CYSLTR2: variants seen among roughly 807,000 people sequenced by gnomAD.
The protein encoded by CYSLTR2 is G-protein coupled receptor GPCR21.
For synonymous variants in CYSLTR2, 179 were observed against 160.8 expected (o/e 1.11, Z -0.86); for missense variants, 398 against 411.9 (o/e 0.97, Z 0.29).
At chr13:48,661,582 T>C (rs9595954) in intron 1 of CYSLTR2, among the ~76,000 whole-genome samples, 9,745 of 152,052 alleles carry the variant, frequency 0.064, 373 homozygotes, top group Middle Eastern at 0.12. Context: ...ACATTTATTA[T>C]GCCATTTATA....
intron 4 of CYSLTR2, among the ~76,000 whole-genome samples, chr13:48,698,514 G>T (rs1256551353): frequency 6.6e-6 from 1 of 152,194 alleles, no homozygotes; most frequent in Admixed American, 6.5e-5. Context: ...AAGAGCTCCT[G>T]AAGGAAGCAC....
intron 1 of CYSLTR2, among the ~76,000 whole-genome samples, chr13:48,656,233 G>A (rs1435561872): frequency 6.6e-6 from 1 of 152,000 alleles, no homozygotes; most frequent in Non-Finnish European, 1.5e-5. Flanking sequence ...TGTGTTTCTG[G>A]TTGGCTCTTC....
Position 48,707,984 on chromosome 13 carries a change from AC to A in CYSLTR2, c.*127del. ...GATTCTTAATATTTAGTTGACCATT[AC>A]TTTTGTTAATAAGACCTACTTCAAA... is the stretch of plus-strand genomic sequence containing the variant. On this transcript the variant is annotated 3_prime_UTR_variant, in exon 5 of 5. Coordinates refer to ENST00000682523, the MANE Select transcript of CYSLTR2 (RefSeq NM_001308476.3). The A allele has an allele frequency of 1.2e-6, 1 of 825,928 alleles. No homozygotes were observed. Among genetic ancestry groups the A allele is most frequent in the Non-Finnish European group, 1.7e-6 (1 of 572,262 alleles). 51.2% of individuals were successfully genotyped at this position (825,928 alleles called of 1,614,324 possible). A position where few individuals can be genotyped will look rare whatever the true frequency, so the allele number is the denominator to read the frequency against.
At chr13:48,676,732 G>A (rs762640279) in intron 1 of CYSLTR2, among the ~76,000 whole-genome samples, 8 of 152,204 alleles carry the variant, frequency 5.3e-5, no homozygotes, top group Non-Finnish European at 1.2e-4. Context: ...AACTAAAAAT[G>A]TTGGAACTAT....
At chr13:48,658,950 ATGAAT>A (rs1953063291) in intron 1 of CYSLTR2, among the ~76,000 whole-genome samples, 1 of 152,132 alleles carries the variant, frequency 6.6e-6, no homozygotes, top group South Asian at 2.1e-4. Flanking sequence ...TGTGTGAAAA[ATGAAT>A]TGAGAACAGC....
At chr13:48,664,153 C>T (rs1252459630) in intron 1 of CYSLTR2, among the ~76,000 whole-genome samples, 1 of 151,990 alleles carries the variant, frequency 6.6e-6, no homozygotes, top group Non-Finnish European at 1.5e-5. Flanking sequence ...TCGAACCATC[C>T]TTGCATCCTG....
chr13:48,661,718 T>C (rs1458941678), intron 1 of CYSLTR2, among the ~76,000 whole-genome samples: 1 of 152,246 alleles, frequency 6.6e-6, no homozygotes, highest in Non-Finnish European at 1.5e-5. Flanking sequence ...TATTTTAATT[T>C]ATTTGTCAAA....
Position 48,707,726 on chromosome 13 carries a change from G to T in CYSLTR2, c.909G>T (p.Leu303=), listed in dbSNP as rs1954542955. Residue 303 remains leucine (L), a synonymous_variant, in exon 5 of 5, where the codon CTG becomes CTT. Transcript: ENST00000682523. ...CAGCCAATGCCTGCTTCAATCCTCT[G>T]CTCTATTACTTTGCTGGGGAGAATT... The part of the protein sequence containing the change: ...LAAANACFNP[L]LYYFAGENFK... 1.2e-6 allele frequency: 2 copies of T among 1,611,248 alleles called. No individual in the cohort carries two copies. The highest frequency in any genetic ancestry group is 1.3e-5 in the African/African-American group (1 of 74,936).
At chr13:48,680,380 C>T (rs1953715810) in intron 1 of CYSLTR2, among the ~76,000 whole-genome samples, 1 of 152,206 alleles carries the variant, frequency 6.6e-6, no homozygotes, top group East Asian at 1.9e-4. Context: ...GGAACAGTTG[C>T]AGCTTTGCTA....
chr13:48,665,091 G>A (rs1041453015), intron 1 of CYSLTR2, among the ~76,000 whole-genome samples: 1 of 151,910 alleles, frequency 6.6e-6, no homozygotes, highest in Non-Finnish European at 1.5e-5. Flanking sequence ...GAAGCATGTT[G>A]CTTAATTTCC....
At chr13:48,655,914 T>C (rs1335538288) in intron 1 of CYSLTR2, among the ~76,000 whole-genome samples, 1 of 152,220 alleles carries the variant, frequency 6.6e-6, no homozygotes, top group East Asian at 1.9e-4. Flanking sequence ...TCATAATGTT[T>C]ATATAATTGG....
chr13:48,670,354 T>C (rs1014437739), intron 1 of CYSLTR2, among the ~76,000 whole-genome samples: 11 of 152,342 alleles, frequency 7.2e-5, no homozygotes, highest in Non-Finnish European at 1.3e-4. Context: ...TCTTTGTCCA[T>C]GCCTATGTCC....
At chr13:48,675,014 C>T (rs959123778) in intron 1 of CYSLTR2, among the ~76,000 whole-genome samples, 3 of 152,162 alleles carry the variant, frequency 2.0e-5, no homozygotes, top group African/African-American at 7.2e-5. Context: ...CCCAGAGGGA[C>T]ACCTGCCAGA....
intron 4 of CYSLTR2, among the ~76,000 whole-genome samples, chr13:48,704,061 A>G (rs1273772253): frequency 2.0e-5 from 3 of 152,180 alleles, no homozygotes; most frequent in Admixed American, 1.3e-4. Flanking sequence ...TCAGGTATCT[A>G]TCGATAGTGT....
At chr13:48,674,025 C>T (rs1044304648) in intron 1 of CYSLTR2, among the ~76,000 whole-genome samples, 4 of 152,148 alleles carry the variant, frequency 2.6e-5, no homozygotes, top group African/African-American at 9.7e-5. Context: ...TTGTGGGTAA[C>T]CCAACCTTTC....
In CYSLTR2 at chr13:48,707,019, A is replaced by G. The variant is rs1954509723; in HGVS notation, c.202A>G (p.Lys68Glu). 1.9e-6 allele frequency: 3 copies of G among 1,614,046 alleles called. No individual in the cohort carries two copies. In the African/African-American group the frequency reaches 4.0e-5, roughly 22 times the overall value. ...LSIYVFLQPY[K>E]KSTSVNVFML... is the part of the protein sequence containing the mutation. Reference sequence around the variant, plus strand: ...CATATATGTTTTCCTGCAGCCTTATAAGAAGTCCACATCTGTGAACGTTTT... The same window carrying G: ...CATATATGTTTTCCTGCAGCCTTATGAGAAGTCCACATCTGTGAACGTTTT... The change falls in exon 5 of 5, where the codon AAG (lysine) becomes GAG (glutamate). Residue 68 changes from lysine (K) to glutamate (E), a missense_variant. By Grantham distance (56) the Lys-to-Glu change is moderately conservative. Transcript: ENST00000682523.
At chr13:48,705,023 A>G (rs1049164074) in intron 4 of CYSLTR2, among the ~76,000 whole-genome samples, 2 of 152,108 alleles carry the variant, frequency 1.3e-5, no homozygotes, top group East Asian at 3.8e-4. Context: ...TGCTTCATCA[A>G]TTGCTGAGAG....
At chr13:48,706,490 T>C in intron 4 of CYSLTR2, 1 of 219,922 alleles carries the variant, frequency 4.5e-6, no homozygotes, top group East Asian at 1.0e-4. Context: ...AGAAATCTGC[T>C]ATTCAGTAGT....
At chr13:48,697,856 A>G (rs934171940) in intron 4 of CYSLTR2, among the ~76,000 whole-genome samples, 4 of 152,236 alleles carry the variant, frequency 2.6e-5, no homozygotes, top group Admixed American at 1.3e-4. Context: ...ACAGCACAAG[A>G]ACTATGTGAC....
Sources: allele counts gnomAD v4.1 joint callset (sites outside exome capture counted in the v4.1 genomes callset), GRCh38; gene constraint gnomAD v4.1.1; transcripts MANE v1.5; gene names NCBI Gene and HGNC (gene_info 2026-07-23, HGNC 2026-07-21).